TXNRD3: variants seen among roughly 807,000 people sequenced by gnomAD.
TXNRD3 encodes the protein TXNRD3 neighbor gene protein.
Under a neutral mutation model 78.2 loss-of-function variants are expected in TXNRD3, and 68 were observed. The ratio of observed to expected loss-of-function variants is 0.87; its 90% confidence interval spans 0.72 to 1.06. The LOEUF (loss-of-function observed/expected upper bound fraction) is 1.06. TXNRD3 is among the 50% of genes least tolerant of loss of function. The pLI is 0.00. For synonymous variants in TXNRD3, 296 were observed against 300.1 expected, an observed-to-expected ratio of 0.99 and a Z score of 0.14; for missense variants, 751 against 809.5, an observed-to-expected ratio of 0.93 and a Z score of 0.88.
At chr3:126,625,806 C>G (rs575360818) in intron 10 of TXNRD3, 3 of 152,328 alleles carry the variant, frequency 2.0e-5, no homozygotes, top group East Asian at 3.9e-4. Flanking sequence ...CACATCCTCT[C>G]TAGCACCTGT....
chr3:126,617,880 GATACAAAAATCAAC>G (rs1176303883), intron 12 of TXNRD3, among the ~76,000 whole-genome samples: 4 of 152,026 alleles, frequency 2.6e-5, no homozygotes, highest in African/African-American at 9.7e-5. Flanking sequence ...GAAGTTGCAG[GATACAAAAATCAAC>G]ATACAAAAAT....
At chr3:126,610,692 G>A (rs1938180239) in intron 14 of TXNRD3, among the ~76,000 whole-genome samples, 1 of 152,150 alleles carries the variant, frequency 6.6e-6, no homozygotes, top group African/African-American at 2.4e-5. Flanking sequence ...CTATCAAGAT[G>A]GCCCTGGGAA....
At chr3:126,646,639 A>G (rs1933240000) in intron 2 of TXNRD3, among the ~76,000 whole-genome samples, 1 of 152,234 alleles carries the variant, frequency 6.6e-6, no homozygotes, top group Non-Finnish European at 1.5e-5. Flanking sequence ...GTCCATCACT[A>G]CTTAAGACTA....
intron 7 of TXNRD3, among the ~76,000 whole-genome samples, 168 bp from the exon 8 acceptor site, chr3:126,632,047 T>C (rs150708805): frequency 2.6e-5 from 4 of 152,348 alleles, no homozygotes; most frequent in African/African-American, 7.2e-5. Context: ...CAGAAGTCTT[T>C]ATGAAATATT....
At chr3:126,638,305 A>T (rs1368687513) in intron 6 of TXNRD3, among the ~76,000 whole-genome samples, 1 of 152,074 alleles carries the variant, frequency 6.6e-6, no homozygotes, top group Non-Finnish European at 1.5e-5. Context: ...CCAGAACATG[A>T]TTTTGGCATG....
At chr3:126,637,309 G>A (rs1212422980) in intron 6 of TXNRD3, among the ~76,000 whole-genome samples, 1 of 152,072 alleles carries the variant, frequency 6.6e-6, no homozygotes, top group Non-Finnish European at 1.5e-5. Context: ...ATCTGTATGA[G>A]TTTCCCCCCT....
chr3:126,641,937 A>G (rs1933098364), intron 6 of TXNRD3, 95 bp downstream of exon 6: 3 of 1,357,144 alleles, frequency 2.2e-6, no homozygotes, highest in Non-Finnish European at 2.9e-6. Flanking sequence ...TAAATGAATT[A>G]CGAACTCAAC....
intron 1 of TXNRD3, among the ~76,000 whole-genome samples, chr3:126,647,945 A>T (rs1048243437): frequency 2.0e-5 from 3 of 152,212 alleles, no homozygotes; most frequent in African/African-American, 7.2e-5. Flanking sequence ...CACAGACAAC[A>T]TGATCTCATG....
intron 5 of TXNRD3, among the ~76,000 whole-genome samples, chr3:126,643,777 C>T (rs929367439): frequency 1.3e-5 from 2 of 151,664 alleles, no homozygotes; most frequent in Non-Finnish European, 2.9e-5. Flanking sequence ...ACTATATTTC[C>T]GGGCTAGTCT....
At chr3:126,640,334 C>A (rs1424738156) in intron 6 of TXNRD3, among the ~76,000 whole-genome samples, 8 of 9,606 alleles carry the variant, frequency 8.3e-4, no homozygotes, top group East Asian at 3.2e-3. Context: ...GTCTCGATCT[C>A]CTGACCTCGT....
chr3:126,619,975 C>T (rs1938411282), intron 12 of TXNRD3, among the ~76,000 whole-genome samples: 1 of 152,138 alleles, frequency 6.6e-6, no homozygotes, highest in African/African-American at 2.4e-5. Context: ...GTCAAAAGAG[C>T]CACATGTACT....
chr3:126,610,718 G>A (rs775793845), intron 14 of TXNRD3, among the ~76,000 whole-genome samples: 5 of 152,192 alleles, frequency 3.3e-5, no homozygotes, highest in Admixed American at 6.5e-5. Flanking sequence ...AGCTTTCAGT[G>A]ATGTATTTTG....
chr3:126,629,880 T>C lies in TXNRD3; in HGVS notation c.1198-409A>G, dbSNP rs548321576. Among the ~76,000 whole-genome samples the C allele has an allele frequency of 3.3e-5, 5 of 152,380 alleles. No individual in the cohort carries two copies. The South Asian group carries it at 8.3e-4, about 25-fold the overall frequency. ...TATGAGGAATTCAAGTGGCAATTTC[T>C]AGTAGGCAGTAGTATAAATGAGTAT... On this transcript the variant is annotated intron_variant, in intron 9 of 15. Transcript: ENST00000524230.
chr3:126,621,958 A>T (rs1005276757), intron 11 of TXNRD3, 60 bp from the exon 12 acceptor site: 4 of 1,325,336 alleles, frequency 3.0e-6, no homozygotes, highest in Non-Finnish European at 3.9e-6. Context: ...CTGCTGGCTG[A>T]CTAATACTAT....
At chr3:126,646,817 C>G (rs1933244819) in intron 2 of TXNRD3, among the ~76,000 whole-genome samples, 1 of 152,160 alleles carries the variant, frequency 6.6e-6, no homozygotes. Context: ...AAGTGCTGAA[C>G]TAATATTAGA....
At chr3:126,641,405 T>C (rs1467378214) in intron 6 of TXNRD3, among the ~76,000 whole-genome samples, 1 of 152,178 alleles carries the variant, frequency 6.6e-6, no homozygotes, top group African/African-American at 2.4e-5. Flanking sequence ...TTAAAGGTCC[T>C]ACTCCTCTGT....
intron 6 of TXNRD3, among the ~76,000 whole-genome samples, chr3:126,637,928 CTCTCTT>C (rs1389716801): frequency 9.3e-6 from 1 of 107,878 alleles, no homozygotes; most frequent in Non-Finnish European, 1.9e-5. Flanking sequence ...CTATATTTCT[CTCTCTT>C]TTTTTTTTTT....
chr3:126,652,246 T>C (rs1348349609), intron 1 of TXNRD3, among the ~76,000 whole-genome samples: 1 of 151,932 alleles, frequency 6.6e-6, no homozygotes, highest in Non-Finnish European at 1.5e-5. Context: ...GGTGGGGAGA[T>C]GCTACACACT....
intron 12 of TXNRD3, among the ~76,000 whole-genome samples, chr3:126,620,645 T>G (rs2107613644): frequency 6.6e-6 from 1 of 152,316 alleles, no homozygotes; most frequent in East Asian, 1.9e-4. Flanking sequence ...CTACTCTTTC[T>G]GTCTTTTGAC....
Sources: gnomAD v4.1 joint callset for allele counts (sites outside exome capture counted in the v4.1 genomes callset) on GRCh38, gnomAD v4.1.1 for gene constraint, MANE v1.5 for transcripts, NCBI Gene and HGNC (gene_info 2026-07-23, HGNC 2026-07-21) for gene names.